Variants in SCHIP1 observed in about 807,000 individuals in gnomAD.
SCHIP1 encodes the protein schwannomin-interacting protein 1.
A neutral mutation model predicts 29.7 loss-of-function variants in SCHIP1; 8 were observed. The ratio of observed to expected loss-of-function variants is 0.27; its 90% confidence interval spans 0.16 to 0.49. SCHIP1 has a LOEUF of 0.49. SCHIP1 is among the 20% of genes least tolerant of loss of function. The pLI is 0.99. For synonymous variants in SCHIP1, 76 were observed against 94.9 expected, an observed-to-expected ratio of 0.80 and a Z score of 1.16; for missense variants, 193 against 294.6, an observed-to-expected ratio of 0.66 and a Z score of 2.52.
chr3:159,721,370 TG>T, the SCHIP1 span, among the ~76,000 whole-genome samples: 1 of 152,240 alleles, frequency 6.6e-6, no homozygotes, highest in South Asian at 2.1e-4. Context: ...ATTTAGTGCT[TG>T]AAAAATCCAG....
the SCHIP1 span, among the ~76,000 whole-genome samples, chr3:159,613,305 C>T: frequency 1.3e-4 from 19 of 151,916 alleles, no homozygotes; most frequent in African/African-American, 4.6e-4. Context: ...ATGTTACTGG[C>T]CAGACAGAAT....
the SCHIP1 span, among the ~76,000 whole-genome samples, chr3:159,607,006 G>A: frequency 6.6e-6 from 1 of 152,140 alleles, no homozygotes; most frequent in Admixed American, 6.5e-5. Context: ...TATAGTAGAT[G>A]GTCATTCTAC....
At chr3:159,710,201 C>T in the SCHIP1 span, among the ~76,000 whole-genome samples, 6 of 152,146 alleles carry the variant, frequency 3.9e-5, no homozygotes, top group Admixed American at 1.3e-4. Flanking sequence ...TGACCATCCA[C>T]AGATGAATTG....
chr3:159,401,279 A>C, the SCHIP1 span: 2 of 883,688 alleles, frequency 2.3e-6, no homozygotes, highest in East Asian at 2.4e-4. Flanking sequence ...CTGAGCTTGC[A>C]TTTAGTGGTG....
intron 1 of SCHIP1, among the ~76,000 whole-genome samples, chr3:159,856,683 C>T (rs1050783537): frequency 2.0e-5 from 3 of 152,318 alleles, no homozygotes; most frequent in South Asian, 2.1e-4. Context: ...CCGCTCGCTT[C>T]GCTTTGTTCC....
chr3:159,663,182 A>G, the SCHIP1 span, among the ~76,000 whole-genome samples: 1 of 152,310 alleles, frequency 6.6e-6, no homozygotes, highest in South Asian at 2.1e-4. Flanking sequence ...TCAGGACCTA[A>G]TCCATAGAGA....
At chr3:159,520,823 A>C in the SCHIP1 span, among the ~76,000 whole-genome samples, 1 of 152,202 alleles carries the variant, frequency 6.6e-6, no homozygotes, top group South Asian at 2.1e-4. Context: ...AATTACAGAA[A>C]TTATTACATC....
At chr3:159,652,509 G>A in the SCHIP1 span, among the ~76,000 whole-genome samples, 3 of 152,194 alleles carry the variant, frequency 2.0e-5, no homozygotes, top group African/African-American at 7.2e-5. Context: ...GTAAGCTGGG[G>A]TGGTCCCTGG....
intron 2 of SCHIP1, among the ~76,000 whole-genome samples, chr3:159,882,845 G>T (rs1716579011): frequency 6.6e-6 from 1 of 152,194 alleles, no homozygotes; most frequent in Non-Finnish European, 1.5e-5. Context: ...ATGCCAAGCA[G>T]ACGTGGTTGC....
intron 1 of SCHIP1, among the ~76,000 whole-genome samples, chr3:159,840,965 T>G (rs990739492): frequency 6.6e-6 from 1 of 152,240 alleles, no homozygotes; most frequent in Non-Finnish European, 1.5e-5. Flanking sequence ...GTATCTTTGT[T>G]GAAAACAGAC....
the SCHIP1 span, among the ~76,000 whole-genome samples, chr3:159,447,326 C>T: frequency 2.6e-5 from 4 of 152,080 alleles, no homozygotes; most frequent in African/African-American, 9.7e-5. Context: ...AATAATTTGG[C>T]CAATAGATCA....
the SCHIP1 span, among the ~76,000 whole-genome samples, chr3:159,659,552 T>C: frequency 2.0e-5 from 3 of 152,224 alleles, no homozygotes; most frequent in Non-Finnish European, 2.9e-5. Context: ...CAAGTGCCAC[T>C]GTGAGTCTGG....
At chr3:159,793,337 C>T in the SCHIP1 span, among the ~76,000 whole-genome samples, 1 of 152,102 alleles carries the variant, frequency 6.6e-6, no homozygotes, top group African/African-American at 2.4e-5. Flanking sequence ...AGGATAAAGC[C>T]AATCTTTGTG....
In SCHIP1 at chr3:159,848,921, C is replaced by T. The variant is rs562189701; in HGVS notation, c.30+8707C>T. Reference sequence around the variant, plus strand: ...AGGGTTTGGGCTATGAGCTTATCTACGTGCTGAGCTTCTTTAGGGAGGGTG... The same window carrying T: ...AGGGTTTGGGCTATGAGCTTATCTATGTGCTGAGCTTCTTTAGGGAGGGTG... On this transcript the variant is annotated intron_variant, in intron 1 of 6. Coordinates refer to ENST00000445224, the Ensembl canonical transcript of SCHIP1. 7.9e-5 allele frequency among the ~76,000 whole-genome samples: 12 copies of T among 152,236 alleles called. No homozygotes were observed. In the South Asian group the frequency reaches 2.3e-3, roughly 29 times the overall value.
the SCHIP1 span, among the ~76,000 whole-genome samples, chr3:159,717,825 T>C: frequency 6.6e-6 from 1 of 152,204 alleles, no homozygotes; most frequent in Non-Finnish European, 1.5e-5. Context: ...GTACCATTCC[T>C]TCTGAAACTA....
chr3:159,590,563 G>A, the SCHIP1 span, among the ~76,000 whole-genome samples: 3 of 148,720 alleles, frequency 2.0e-5, no homozygotes, highest in African/African-American at 7.9e-5. Flanking sequence ...GCAACAAAGC[G>A]AGACACCATC....
the SCHIP1 span, chr3:159,275,072 T>C: frequency 1.0e-6 from 1 of 975,512 alleles, no homozygotes; most frequent in Non-Finnish European, 1.2e-6. Context: ...GTGTATGAAG[T>C]GCATAATTTT....
At chr3:159,383,141 G>C in the SCHIP1 span, among the ~76,000 whole-genome samples, 59 of 150,214 alleles carry the variant, frequency 3.9e-4, no homozygotes, top group African/African-American at 1.2e-3. Flanking sequence ...TTTGGCTTTT[G>C]TTGCCATTGC....
the SCHIP1 span, among the ~76,000 whole-genome samples, chr3:159,565,960 A>C: frequency 6.6e-6 from 1 of 152,210 alleles, no homozygotes; most frequent in African/African-American, 2.4e-5. Flanking sequence ...CAGGGCAAAC[A>C]TGACTGAGAA....
Sources: gnomAD v4.1 joint callset for allele counts (sites outside exome capture counted in the v4.1 genomes callset) on GRCh38, gnomAD v4.1.1 for gene constraint, MANE v1.5 for transcripts, NCBI Gene and HGNC (gene_info 2026-07-23, HGNC 2026-07-21) for gene names.